SYNJ2: variants seen among roughly 807,000 people sequenced by gnomAD.
SYNJ2 encodes the protein polyphosphatidylinositol phosphatase SYNJ2.
A neutral mutation model predicts 141.3 loss-of-function variants in SYNJ2; 116 were observed. The ratio of observed to expected loss-of-function variants is 0.82; its 90% CI spans 0.71 to 0.96. The LOEUF (loss-of-function observed/expected upper bound fraction) is 0.96, where lower values mean the gene tolerates loss of function less well. Ranked by LOEUF, SYNJ2 falls within the 40% of genes least tolerant of loss-of-function variation. The pLI is 0.00. For synonymous variants in SYNJ2, 745 were observed against 777.7 expected, an observed-to-expected ratio of 0.96 and a Z score of 0.70; for missense variants, 1,873 against 1,934.8, an observed-to-expected ratio of 0.97 and a Z score of 0.60.
chr6:158,082,783 TG>T (rs1345108487), intron 20 of SYNJ2, among the ~76,000 whole-genome samples: 1 of 152,084 alleles, frequency 6.6e-6, no homozygotes, highest in Non-Finnish European at 1.5e-5. Context: ...CCGAGTTACT[TG>T]ATCTGTCTAT....
Position 158,070,355 on chromosome 6 carries a change from A to G in SYNJ2, c.1940+682A>G. ...GTCCCGGGAAGGGCCTGTGCCTGCC[A>G]AGAGCACCACGGGTACACCCCTGCA... On this transcript the variant is annotated intron_variant, in intron 14 of 26. Transcript: ENST00000355585. This position sits in a 1 kb window ranked among gnomAD's most constrained non-coding sequence, Gnocchi z 4.0. 3.0e-6 allele frequency: 3 copies of G among 985,504 alleles called. No homozygotes were observed. The highest frequency in any genetic ancestry group is 5.2e-4 in the Middle Eastern group (1 of 1,916). 61.0% of individuals were successfully genotyped at this position (985,504 alleles called of 1,614,324 possible). A position where few individuals can be genotyped will look rare whatever the true frequency, so the allele number is the denominator to read the frequency against.
rs1216329160 is a variant in SYNJ2 at position 157,997,025 on chromosome 6, C to CCG, written c.127+14938_127+14939insGC. On this transcript the variant is annotated intron_variant, in intron 1 of 26. Transcript: ENST00000355585. ...TGCTGCCTCCGTCTCCCCACCTACC[C>CCG]CACCCCCCCCCACCCAGCTTCGTGA... 1.2e-3 allele frequency among the ~76,000 whole-genome samples: 148 copies of CCG among 124,460 alleles called. 1 individual carries two copies. Among genetic ancestry groups the CCG allele is most frequent in the Middle Eastern group, 7.9e-3 (2 of 252 alleles). 81.7% of individuals were successfully genotyped at this position (124,460 alleles called of 152,430 possible). A position where few individuals can be genotyped will look rare whatever the true frequency, so the allele number is the denominator to read the frequency against.
rs866906958 is a variant in SYNJ2, at chr6:158,064,905, C to T, written c.1439C>T (p.Ala480Val). The change falls in exon 11 of 27, where the codon GCC (alanine) becomes GTC (valine). Residue 480 changes from alanine to valine, a missense_variant. Ala to Val is a moderately conservative substitution (Grantham distance 64). Transcript: ENST00000355585. ...TTCTTCGACGGGGTGAAGCAGGAGG[C>T]CATCAAGCTGCTGCTGGTTGGGGAC... is the stretch of plus-strand genomic sequence containing the variant. ...SNFFDGVKQE[A>V]IKLLLVGDVY... The T allele has an allele frequency of 6.2e-7, 1 of 1,613,682 alleles. No individual in the cohort carries two copies. Among genetic ancestry groups the T allele is most frequent in the African/African-American group, 1.3e-5 (1 of 74,954 alleles).
intron 2 of SYNJ2, 146 bp downstream of exon 2, chr6:158,017,436 T>C (rs1295956109): frequency 1.7e-6 from 2 of 1,153,942 alleles, no homozygotes; most frequent in Admixed American, 3.2e-5. Context: ...TTCTCCGAGA[T>C]AGAGTTTTGC....
intron 17 of SYNJ2, 29 bp from the exon 18 acceptor site, chr6:158,078,135 G>C: frequency 7.1e-7 from 1 of 1,402,614 alleles, no homozygotes; most frequent in Non-Finnish European, 1.0e-6. Flanking sequence ...ATTCTATATG[G>C]GTCTCTCGAA....
intron 4 of SYNJ2, among the ~76,000 whole-genome samples, chr6:158,039,973 C>T (rs574859011): frequency 1.2e-4 from 19 of 152,280 alleles, no homozygotes; most frequent in African/African-American, 4.6e-4. Flanking sequence ...GTCTGGCAAA[C>T]AAATGATGGG....
intron 22 of SYNJ2, 84 bp from the exon 23 acceptor site, chr6:158,086,771 G>A: frequency 8.1e-7 from 1 of 1,239,744 alleles, no homozygotes; most frequent in Non-Finnish European, 1.1e-6. Flanking sequence ...CCCTGCCACA[G>A]TCGGCCTCCT....
chr6:158,003,865 C>T (rs2128321378), intron 1 of SYNJ2, among the ~76,000 whole-genome samples: 1 of 152,258 alleles, frequency 6.6e-6, no homozygotes, highest in South Asian at 2.1e-4. Context: ...TGGGACAAAC[C>T]ACAGTTTCCT....
chr6:158,060,020 G>T (rs964519302), intron 7 of SYNJ2, among the ~76,000 whole-genome samples: 5 of 152,162 alleles, frequency 3.3e-5, no homozygotes, highest in Non-Finnish European at 5.9e-5. Flanking sequence ...GGAGCAGGCA[G>T]GCCTCCCTTT....
At chr6:158,035,369 A>G (rs1779583993) in intron 4 of SYNJ2, among the ~76,000 whole-genome samples, 1 of 152,042 alleles carries the variant, frequency 6.6e-6, no homozygotes, top group Non-Finnish European at 1.5e-5. Flanking sequence ...GTGTTTTGTA[A>G]TTCTCATTGT....
intron 1 of SYNJ2, among the ~76,000 whole-genome samples, chr6:157,988,891 A>G (rs148780761): frequency 2.8e-4 from 42 of 152,052 alleles, no homozygotes; most frequent in African/African-American, 8.7e-4. Context: ...GGAGGCTGTC[A>G]GTGGGCAGGC....
intron 24 of SYNJ2, 69 bp from the exon 25 acceptor site, chr6:158,089,770 C>T: frequency 8.5e-7 from 1 of 1,172,908 alleles, no homozygotes; most frequent in Non-Finnish European, 1.3e-6. Context: ...CCACGGGTAG[C>T]AGATACGTCC....
chr6:158,053,340 A>G (rs559275595), intron 5 of SYNJ2, among the ~76,000 whole-genome samples: 2 of 152,348 alleles, frequency 1.3e-5, no homozygotes, highest in Non-Finnish European at 2.9e-5. Flanking sequence ...CCATGCTGGT[A>G]TCCTGCCTTT....
In SYNJ2 at chr6:157,983,698, G is replaced by A. The variant is rs182646210; in HGVS notation, c.127+1610G>A. 2.4e-4 allele frequency among the ~76,000 whole-genome samples: 37 copies of A among 152,258 alleles called. 1 individual carries two copies. Among genetic ancestry groups the A allele is most frequent in the South Asian group, 1.2e-3 (6 of 4,826 alleles). On this transcript the variant is annotated intron_variant, in intron 1 of 26. Coordinates refer to ENST00000355585, the MANE Select transcript of SYNJ2 (RefSeq NM_003898.4). ...AAGTTTGGGCTGAGATTTACATCAC[G>A]GTGGTGATTACAGTATACCAGATTT... is the stretch of plus-strand genomic sequence containing the variant.
chr6:158,020,773 GT>G (rs1301954786), intron 2 of SYNJ2, among the ~76,000 whole-genome samples: 1 of 152,244 alleles, frequency 6.6e-6, no homozygotes, highest in African/African-American at 2.4e-5. Flanking sequence ...CCCTTTCAAT[GT>G]TTTTAGCTAA....
At chr6:157,992,272 C>T (rs994061100) in intron 1 of SYNJ2, among the ~76,000 whole-genome samples, 4 of 152,076 alleles carry the variant, frequency 2.6e-5, no homozygotes, top group Non-Finnish European at 4.4e-5. Flanking sequence ...CCTAGACCCC[C>T]GCCGCTACCC....
At chr6:158,035,572 T>C (rs1779594924) in intron 4 of SYNJ2, among the ~76,000 whole-genome samples, 1 of 152,228 alleles carries the variant, frequency 6.6e-6, no homozygotes, top group South Asian at 2.1e-4. Context: ...TGGTGTTTTC[T>C]AGATATAGAA....
intron 4 of SYNJ2, among the ~76,000 whole-genome samples, chr6:158,036,358 A>G (rs1212856634): frequency 2.0e-5 from 3 of 152,228 alleles, no homozygotes; most frequent in Admixed American, 2.0e-4. Context: ...AAGACATGGA[A>G]TCAACCTGAA....
intron 1 of SYNJ2, among the ~76,000 whole-genome samples, chr6:157,997,312 A>G (rs76410101): frequency 6.6e-6 from 1 of 152,190 alleles, no homozygotes; most frequent in Admixed American, 6.5e-5. Context: ...TGCAGATGCA[A>G]TGAAGATGTA....
Sources: gnomAD v4.1 joint callset for allele counts (sites outside exome capture counted in the v4.1 genomes callset) on GRCh38, gnomAD v4.1.1 for gene constraint, Gnocchi (gnomAD v3.1) non-coding constraint, MANE v1.5 for transcripts, NCBI Gene and HGNC (gene_info 2026-07-23, HGNC 2026-07-21) for gene names.